The following STK3 variants were observed in gnomAD, a reference collection of about 807,000 sequenced individuals.
STK3 encodes the protein serine/threonine kinase 3.
A neutral mutation model predicts 58.0 loss-of-function variants in STK3; 41 were observed. The observed-to-expected ratio is 0.71, with a 90% CI of 0.55 to 0.92. STK3 has a LOEUF of 0.92. Among genes scored for constraint, STK3 ranks in the 40% least tolerant of loss-of-function variants. The probability of loss-of-function intolerance (pLI) is 0.00; values close to 1 mark genes in which losing one functional copy is unlikely to be tolerated. For missense variants in STK3, 479 were observed against 602.7 expected, an observed-to-expected ratio of 0.79 and a Z score of 2.15; for synonymous variants, 170 against 191.0, an observed-to-expected ratio of 0.89 and a Z score of 0.91.
chr8:98,455,936 C>T lies in STK3; in HGVS notation c.1382G>A (p.Arg461Gln), dbSNP rs746947660. 20 of 1,613,174 alleles carry T rather than the reference C, an allele frequency of 1.2e-5. No homozygotes were observed. Among genetic ancestry groups the T allele is most frequent in the African/African-American group, 5.3e-5 (4 of 74,872 alleles). Residue 461 changes from arginine to glutamine, a missense_variant, in exon 11 of 11, where the codon CGG (arginine) becomes CAG (glutamine). Transcript: ENST00000419617. ...RLKALDPMME[R>Q]EIEELRQRYT... ...TCTCTGACGAAGTTCTTCTATCTCC[C>T]GTTCCATCATGGGGTCCAGTGCTTT... is the stretch of plus-strand genomic sequence containing the variant.
At chr8:98,722,138 T>C (rs1263943979) in intron 4 of STK3, among the ~76,000 whole-genome samples, 1 of 152,148 alleles carries the variant, frequency 6.6e-6, no homozygotes, top group African/African-American at 2.4e-5. Context: ...GAAAGACTAC[T>C]AATAGAGTAA....
At chr8:98,717,665 T>C (rs1055101005) in intron 4 of STK3, among the ~76,000 whole-genome samples, 1 of 152,202 alleles carries the variant, frequency 6.6e-6, no homozygotes, top group Non-Finnish European at 1.5e-5. Flanking sequence ...ATTCCACTTT[T>C]GGGTAAATAC....
intron 3 of STK3, among the ~76,000 whole-genome samples, chr8:98,832,120 G>A (rs763865267): frequency 2.6e-5 from 4 of 151,924 alleles, no homozygotes; most frequent in African/African-American, 7.3e-5. Context: ...CTGCAGGCTG[G>A]CCATCCCACA....
At chr8:98,814,008 T>C (rs777738051) in intron 1 of STK3, among the ~76,000 whole-genome samples, 3 of 152,204 alleles carry the variant, frequency 2.0e-5, no homozygotes, top group Non-Finnish European at 2.9e-5. Context: ...GAAATAACCA[T>C]ACCTAGATTT....
chr8:98,721,147 A>G (rs1474144021), intron 4 of STK3: 1 of 982,046 alleles, frequency 1.0e-6, no homozygotes, highest in Non-Finnish European at 1.2e-6. Flanking sequence ...TTTATTGAAA[A>G]CAGATGCTTA....
chr8:98,751,050 CAT>C (rs1829944067), intron 3 of STK3, among the ~76,000 whole-genome samples: 1 of 152,158 alleles, frequency 6.6e-6, no homozygotes, highest in Non-Finnish European at 1.5e-5. Flanking sequence ...TAAAATCAGA[CAT>C]CCATTCATGT....
chr8:98,376,831 C>T (rs891994296), intron 2 of STK3, among the ~76,000 whole-genome samples: 6 of 152,152 alleles, frequency 3.9e-5, no homozygotes, highest in East Asian at 1.9e-4. Context: ...TAGATGTAAC[C>T]GGTAGCCAGG....
At chr8:98,470,650 C>T (rs1489667964) in intron 10 of STK3, among the ~76,000 whole-genome samples, 1 of 152,176 alleles carries the variant, frequency 6.6e-6, no homozygotes, top group East Asian at 1.9e-4. Flanking sequence ...TGACCAGAAA[C>T]TGTCTTTCAT....
chr8:98,611,011 T>C (rs1053874713), intron 6 of STK3, among the ~76,000 whole-genome samples: 8 of 152,134 alleles, frequency 5.3e-5, no homozygotes, highest in African/African-American at 1.4e-4. Context: ...TCATATCTAA[T>C]AGAGACTACA....
chr8:98,753,362 A>G (rs1830096263), intron 3 of STK3, among the ~76,000 whole-genome samples: 1 of 152,198 alleles, frequency 6.6e-6, no homozygotes, highest in African/African-American at 2.4e-5. Context: ...TTAGCAAACT[A>G]ACACAGGAAC....
intron 6 of STK3, among the ~76,000 whole-genome samples, chr8:98,654,332 G>T (rs945171919): frequency 7.2e-5 from 11 of 152,174 alleles, no homozygotes; most frequent in South Asian, 2.1e-4. Flanking sequence ...TGGGACGTAT[G>T]TCAAAATAAT....
At chr8:98,526,045 A>G (rs903316034) in intron 10 of STK3, among the ~76,000 whole-genome samples, 41 of 152,048 alleles carry the variant, frequency 2.7e-4, no homozygotes, top group African/African-American at 8.9e-4. Flanking sequence ...AATGTGGTTA[A>G]GTAAAAATTT....
At chr8:98,366,268 T>A (rs1817563804), downstream of STK3, among the ~76,000 whole-genome samples, 1 of 152,228 alleles carries the variant, frequency 6.6e-6, no homozygotes, top group Non-Finnish European at 1.5e-5. Flanking sequence ...TATTGGACAT[T>A]CAGGGTTCTT....
intron 6 of STK3, among the ~76,000 whole-genome samples, chr8:98,674,086 A>G (rs12675964): frequency 0.11 from 16,222 of 152,228 alleles, 1,633 homozygotes; most frequent in East Asian, 0.39. Context: ...GAGAGAAAAT[A>G]CATATGAAAA....
chr8:98,456,489 AAAG>A (rs1467841033), intron 10 of STK3, among the ~76,000 whole-genome samples: 1 of 152,228 alleles, frequency 6.6e-6, no homozygotes, highest in African/African-American at 2.4e-5. Flanking sequence ...AATGCTTAAT[AAAG>A]AAGATGACTG....
the STK3 span, among the ~76,000 whole-genome samples, chr8:98,347,732 C>G: frequency 6.6e-6 from 1 of 152,040 alleles, no homozygotes; most frequent in Non-Finnish European, 1.5e-5. Context: ...CAAGACTGAC[C>G]TATATGTTGC....
intron 3 of STK3, among the ~76,000 whole-genome samples, chr8:98,412,272 G>A (rs1045435570): frequency 6.6e-6 from 1 of 152,174 alleles, no homozygotes; most frequent in African/African-American, 2.4e-5. Flanking sequence ...GCAGTGAGGT[G>A]GTTGGCCACT....
At chr8:98,656,528 C>G (rs968722923) in intron 6 of STK3, among the ~76,000 whole-genome samples, 1 of 151,870 alleles carries the variant, frequency 6.6e-6, no homozygotes, top group African/African-American at 2.4e-5. Context: ...TATTTATGTA[C>G]TCAAGAAAGG....
At chr8:98,407,430 C>T (rs757298037) in intron 3 of STK3, among the ~76,000 whole-genome samples, 1 of 152,210 alleles carries the variant, frequency 6.6e-6, no homozygotes, top group Non-Finnish European at 1.5e-5. Context: ...ATACACCCAG[C>T]AGAGTCACTG....
Sources: allele counts gnomAD v4.1 joint callset (sites outside exome capture counted in the v4.1 genomes callset), GRCh38; gene constraint gnomAD v4.1.1; transcripts MANE v1.5; gene names NCBI Gene and HGNC (gene_info 2026-07-23, HGNC 2026-07-21).